PCSK2: variants seen among roughly 807,000 people sequenced by gnomAD.
The protein encoded by PCSK2 is neuroendocrine convertase 2.
PCSK2 carries 14 observed loss-of-function variants against 69.7 expected under a neutral mutation model. The observed-to-expected ratio is 0.20, with a 90% CI of 0.13 to 0.31. The LOEUF (loss-of-function observed/expected upper bound fraction) is 0.31, where lower values mean the gene tolerates loss of function less well. PCSK2 is among the 10% of genes least tolerant of loss of function. The pLI, the probability that PCSK2 is intolerant of heterozygous loss-of-function variation, is 1.00. For missense variants in PCSK2, 544 were observed against 842.5 expected (o/e 0.65, Z 4.39); for synonymous variants, 307 against 320.7 (o/e 0.96, Z 0.46).
At chr20:17,414,373 A>T (rs2031949443) in intron 6 of PCSK2, among the ~76,000 whole-genome samples, 1 of 152,246 alleles carries the variant, frequency 6.6e-6, no homozygotes, top group Non-Finnish European at 1.5e-5. Flanking sequence ...ATCCCACAGA[A>T]ATACAAACTA....
At chr20:17,366,097 G>C (rs559340942) in intron 4 of PCSK2, among the ~76,000 whole-genome samples, 4 of 152,162 alleles carry the variant, frequency 2.6e-5, no homozygotes, top group Non-Finnish European at 5.9e-5. Flanking sequence ...CCTGGGCCCC[G>C]AGGCTCTAGG....
intron 5 of PCSK2, among the ~76,000 whole-genome samples, chr20:17,405,214 C>G (rs929212375): frequency 3.3e-5 from 5 of 152,210 alleles, no homozygotes; most frequent in Non-Finnish European, 5.9e-5. Context: ...GGGTCAAAAA[C>G]AGCCTCATTT....
At chr20:17,293,826 G>T (rs577515110) in intron 2 of PCSK2, among the ~76,000 whole-genome samples, 51 of 152,198 alleles carry the variant, frequency 3.4e-4, no homozygotes, top group African/African-American at 1.2e-3. Flanking sequence ...CCCAACAAAT[G>T]AACTGGAACC....
At chr20:17,386,949 C>T (rs6044776) in intron 5 of PCSK2, among the ~76,000 whole-genome samples, 116,171 of 152,090 alleles carry the variant, frequency 0.76, 44,570 homozygotes, top group South Asian at 0.9. Context: ...TAGCCCTGCC[C>T]TCAGTGTAAT....
At chr20:17,471,845 C>T (rs759311368) in intron 11 of PCSK2, among the ~76,000 whole-genome samples, 3 of 152,172 alleles carry the variant, frequency 2.0e-5, no homozygotes, top group South Asian at 2.1e-4. Context: ...ACTCGAGGAG[C>T]GGTGGGGTAC....
At chr20:17,387,075 G>A (rs2031256110) in intron 5 of PCSK2, among the ~76,000 whole-genome samples, 1 of 152,212 alleles carries the variant, frequency 6.6e-6, no homozygotes, top group South Asian at 2.1e-4. Context: ...GGATCATGCA[G>A]ACAGGTAGAT....
intron 5 of PCSK2, among the ~76,000 whole-genome samples, chr20:17,378,503 A>T (rs186222077): frequency 6.6e-6 from 1 of 152,308 alleles, no homozygotes; most frequent in East Asian, 1.9e-4. Flanking sequence ...TCTTTTACTC[A>T]TGAGAGAATG....
In PCSK2 at chr20:17,425,523, A is replaced by G. The variant is rs886539945; in HGVS notation, c.621-3912A>G. Among the ~76,000 whole-genome samples the G allele has an allele frequency of 2.6e-5, 4 of 152,346 alleles. No individual in the cohort carries two copies. In the South Asian group the frequency reaches 8.3e-4, roughly 32 times the overall value. On this transcript the variant is annotated intron_variant, in intron 6 of 11. Coordinates refer to ENST00000262545, the MANE Select transcript of PCSK2 (RefSeq NM_002594.5). Reference sequence around the variant, plus strand: ...ACTTATTATTAGAATTTATCCTTCCAAAACAGTTTATCGAGTAGGATCTAA... The same window carrying G: ...ACTTATTATTAGAATTTATCCTTCCGAAACAGTTTATCGAGTAGGATCTAA...
chr20:17,481,405 AAAAAAAAAAG>A lies in PCSK2; in HGVS notation c.1431-177_1431-168del, dbSNP rs1407283225. Among the ~76,000 whole-genome samples the A allele has an allele frequency of 5.9e-3, 707 of 119,334 alleles. 8 individuals are homozygous for A. The highest frequency in any genetic ancestry group is 0.021 in the African/African-American group (677 of 32,982). 78.3% of individuals were successfully genotyped at this position (119,334 alleles called of 152,430 possible). Reference sequence around the variant, plus strand: ...TCAAAAGACAAAAAAAAAAAAAAAAAAAAAAAAAAGAGATAAGTAACTTACTCAGGCTCAC... The same window carrying A: ...TCAAAAGACAAAAAAAAAAAAAAAAAAGATAAGTAACTTACTCAGGCTCAC... On this transcript the variant is annotated intron_variant, in intron 11 of 11. Transcript: ENST00000262545.
chr20:17,481,041 A>AG (rs1291194504), intron 11 of PCSK2, among the ~76,000 whole-genome samples: 1 of 152,142 alleles, frequency 6.6e-6, no homozygotes, highest in Non-Finnish European at 1.5e-5. Flanking sequence ...GGGACATCAC[A>AG]GCATCTACTA....
At chr20:17,450,115 C>CTT (rs1397859071) in intron 8 of PCSK2, among the ~76,000 whole-genome samples, 3 of 143,782 alleles carry the variant, frequency 2.1e-5, no homozygotes, top group Non-Finnish European at 3.0e-5. Flanking sequence ...GCGGGCTCCG[C>CTT]CCCCTGGGGT....
rs561227670 is a variant in PCSK2, at chr20:17,436,317, C to T, written c.710-391C>T. On this transcript the variant is annotated intron_variant, in intron 7 of 11. Transcript: ENST00000262545. ...AATATCAAATATTGATTGCCTCCCC[C>T]ATCTATCATATGTAGTAGCTTTATT... Among the ~76,000 whole-genome samples, 5 of 152,282 alleles carry T rather than the reference C, an allele frequency of 3.3e-5. No homozygotes were observed. In the East Asian group the frequency reaches 9.7e-4, roughly 29 times the overall value.
At chr20:17,240,620 TA>T (rs1437747171) in intron 1 of PCSK2, among the ~76,000 whole-genome samples, 1 of 152,168 alleles carries the variant, frequency 6.6e-6, no homozygotes, top group East Asian at 1.9e-4. Flanking sequence ...TAAAGTTACA[TA>T]AAATTGAGGT....
chr20:17,428,011 G>A (rs1354415911), intron 6 of PCSK2, among the ~76,000 whole-genome samples: 1 of 152,184 alleles, frequency 6.6e-6, no homozygotes, highest in Non-Finnish European at 1.5e-5. Flanking sequence ...AGAAGGCTTG[G>A]TGTTAGGAAC....
intron 2 of PCSK2, among the ~76,000 whole-genome samples, chr20:17,332,475 C>T (rs569110533): frequency 6.6e-6 from 1 of 152,222 alleles, no homozygotes; most frequent in South Asian, 2.1e-4. Flanking sequence ...AGAAAGAGAT[C>T]ACTGATGAAG....
chr20:17,245,935 C>A (rs1416151927), intron 1 of PCSK2, among the ~76,000 whole-genome samples: 1 of 152,156 alleles, frequency 6.6e-6, no homozygotes, highest in Non-Finnish European at 1.5e-5. Flanking sequence ...GCTTGACCCC[C>A]AATATATTAA....
chr20:17,274,020 A>C (rs535652814), intron 2 of PCSK2, among the ~76,000 whole-genome samples: 1 of 152,266 alleles, frequency 6.6e-6, no homozygotes, highest in East Asian at 1.9e-4. Context: ...TGAATGTCTT[A>C]ATGAAAAGAA....
At chr20:17,479,188 C>G (rs2033345047) in intron 11 of PCSK2, 1 of 1,382,858 alleles carries the variant, frequency 7.2e-7, no homozygotes, top group African/African-American at 1.4e-5. Flanking sequence ...AAAACAGGAG[C>G]TGCTGTGCGA....
intron 2 of PCSK2, among the ~76,000 whole-genome samples, chr20:17,274,496 C>T (rs1987983601): frequency 6.6e-6 from 1 of 152,168 alleles, no homozygotes; most frequent in South Asian, 2.1e-4. Flanking sequence ...GTAGCTTCTA[C>T]TCCTTCCTCA....
Sources: gnomAD v4.1 joint callset for allele counts (sites outside exome capture counted in the v4.1 genomes callset) on GRCh38, gnomAD v4.1.1 for gene constraint, MANE v1.5 for transcripts, NCBI Gene and HGNC (gene_info 2026-07-23, HGNC 2026-07-21) for gene names.